The following BCKDHB variants were observed in gnomAD, a reference collection of about 807,000 sequenced individuals.
BCKDHB encodes 2-oxoisovalerate dehydrogenase subunit beta, mitochondrial.
In BCKDHB, 41 loss-of-function variants were observed where a neutral mutation model predicts 48.5. The observed-to-expected ratio is 0.85, with a 90% CI of 0.66 to 1.10. The LOEUF (loss-of-function observed/expected upper bound fraction) is 1.10. BCKDHB is among the 50% of genes least tolerant of loss of function. The pLI is 0.00. For synonymous variants in BCKDHB, 201 were observed against 174.8 expected, an observed-to-expected ratio of 1.15 and a Z score of -1.18; for missense variants, 496 against 494.2, an observed-to-expected ratio of 1.00 and a Z score of -0.03.
intron 9 of BCKDHB, among the ~76,000 whole-genome samples, chr6:80,310,392 C>T (rs549894554): frequency 9.2e-5 from 14 of 151,842 alleles, no homozygotes; most frequent in African/African-American, 2.2e-4. Flanking sequence ...TAAGGATAAT[C>T]GCTTCCAGCT....
Position 80,211,066 on chromosome 6 carries a change from G to A in BCKDHB, c.951+7854G>A, listed in dbSNP as rs114143516. On this transcript the variant is annotated intron_variant, in intron 8 of 9. Coordinates refer to ENST00000320393, the MANE Select transcript of BCKDHB (RefSeq NM_183050.4). Reference sequence around the variant, plus strand: ...ATTTTGGCAGGAGAATAAACAAAAGGCTTTGAAAGAAACTCAGATTCTCAA... The same window carrying A: ...ATTTTGGCAGGAGAATAAACAAAAGACTTTGAAAGAAACTCAGATTCTCAA... Among the ~76,000 whole-genome samples, 479 of 152,140 alleles carry A rather than the reference G, an allele frequency of 3.1e-3. 1 individual carries two copies. Among genetic ancestry groups the A allele is most frequent in the African/African-American group, 0.011 (456 of 41,500 alleles).
At chr6:80,425,079 G>T in the BCKDHB span, among the ~76,000 whole-genome samples, 1 of 152,164 alleles carries the variant, frequency 6.6e-6, no homozygotes, top group Non-Finnish European at 1.5e-5. Flanking sequence ...AAGTGGAACA[G>T]CTCACTGATA....
intron 8 of BCKDHB, 98 bp from the exon 9 acceptor site, chr6:80,273,037 G>A (rs1427222335): frequency 2.3e-6 from 2 of 882,712 alleles, no homozygotes; most frequent in Middle Eastern, 3.0e-4. Flanking sequence ...ACTATTTATT[G>A]AATGTATATA....
At chr6:80,408,465 G>A in the BCKDHB span, among the ~76,000 whole-genome samples, 5 of 151,940 alleles carry the variant, frequency 3.3e-5, no homozygotes, top group Admixed American at 6.6e-5. Context: ...GGTAGAATTC[G>A]GCTGTGAATC....
At chr6:80,353,064 C>G in the BCKDHB span, among the ~76,000 whole-genome samples, 1 of 152,176 alleles carries the variant, frequency 6.6e-6, no homozygotes, top group African/African-American at 2.4e-5. Flanking sequence ...TTCCAACTCC[C>G]TCTCCTCTCT....
intron 6 of BCKDHB, among the ~76,000 whole-genome samples, chr6:80,195,757 A>G (rs1470767043): frequency 6.6e-6 from 1 of 152,144 alleles, no homozygotes; most frequent in Non-Finnish European, 1.5e-5. Context: ...TACAGAGACA[A>G]AGCCAGAATT....
chr6:80,291,065 T>G (rs1766884784), intron 9 of BCKDHB, among the ~76,000 whole-genome samples: 1 of 152,214 alleles, frequency 6.6e-6, no homozygotes, highest in Non-Finnish European at 1.5e-5. Flanking sequence ...CTGTACCTTG[T>G]GCCAACCTCC....
At chr6:80,106,936 C>G (rs1029022820) in intron 1 of BCKDHB, 47 bp downstream of exon 1, 4 of 1,564,538 alleles carry the variant, frequency 2.6e-6, no homozygotes, top group Non-Finnish European at 3.5e-6. Flanking sequence ...CCCGGACTCC[C>G]AGGCTCGCAG....
chr6:80,451,500 G>A, the BCKDHB span, among the ~76,000 whole-genome samples: 1 of 152,076 alleles, frequency 6.6e-6, no homozygotes, highest in African/African-American at 2.4e-5. Flanking sequence ...TACTTTGGGA[G>A]GCCTAGGCGG....
intron 8 of BCKDHB, among the ~76,000 whole-genome samples, chr6:80,266,266 C>T (rs1373363555): frequency 6.6e-6 from 1 of 152,044 alleles, no homozygotes; most frequent in Non-Finnish European, 1.5e-5. Flanking sequence ...TTTTTAAAAA[C>T]TGATGGAAAA....
At chr6:80,236,614 G>A (rs1015169874) in intron 8 of BCKDHB, among the ~76,000 whole-genome samples, 21 of 152,164 alleles carry the variant, frequency 1.4e-4, no homozygotes, top group African/African-American at 5.1e-4. Context: ...AGCAGAGGTA[G>A]TTACATTGAA....
At chr6:80,265,027 T>C (rs1249933393) in intron 8 of BCKDHB, among the ~76,000 whole-genome samples, 1 of 152,016 alleles carries the variant, frequency 6.6e-6, no homozygotes, top group African/African-American at 2.4e-5. Flanking sequence ...TCGTTCCCAT[T>C]GGGATGGCTA....
In BCKDHB at chr6:80,127,640, G is replaced by A; in HGVS notation, c.274+16G>A. On this transcript the variant is annotated intron_variant, in intron 2 of 9. Transcript: ENST00000320393. Reference sequence around the variant, plus strand: ...CCTACTGCAGGTAACCCTGATATGTGCCTGAATTGTGGTAGCTGTGTTAAT... The same window carrying A: ...CCTACTGCAGGTAACCCTGATATGTACCTGAATTGTGGTAGCTGTGTTAAT... 6.3e-7 allele frequency: 1 copy of A among 1,599,730 alleles called. No individual in the cohort carries two copies. Among genetic ancestry groups the A allele is most frequent in the Admixed American group, 1.7e-5 (1 of 59,938 alleles).
At chr6:80,340,801 G>A (rs918374481) in intron 9 of BCKDHB, among the ~76,000 whole-genome samples, 4 of 152,118 alleles carry the variant, frequency 2.6e-5, no homozygotes, top group Non-Finnish European at 5.9e-5. Flanking sequence ...TTGTGTGTGT[G>A]TGTACATACG....
At position 80,345,696 on chromosome 6, in the gene BCKDHB, T is replaced by C. The variant is rs7740958; in HGVS notation, c.*1892T>C. The stretch of plus-strand genomic sequence containing the variant: ...CACTTAGAGCTGGTTAGAGGACTCC[T>C]TCACTTTTGTTGTCCATGTGGTTCC... On this transcript the variant is annotated 3_prime_UTR_variant, in exon 10 of 10. Coordinates refer to ENST00000320393, the MANE Select transcript of BCKDHB (RefSeq NM_183050.4). 0.78 allele frequency: 118,254 copies of C among 152,176 alleles called. 46,309 individuals carry two copies. The highest frequency in any genetic ancestry group is 0.84 in the Admixed American group (12,774 of 15,294). The allele number at this position is 152,176 out of a possible 1,614,324, so 9.4% of individuals were successfully genotyped here. A position where few individuals can be genotyped will look rare whatever the true frequency, so the allele number is the denominator to read the frequency against.
intron 7 of BCKDHB, among the ~76,000 whole-genome samples, 182 bp downstream of exon 7, chr6:80,201,213 A>C (rs765942181): frequency 1.3e-5 from 2 of 152,210 alleles, no homozygotes; most frequent in African/African-American, 4.8e-5. Context: ...AAATGAAATT[A>C]TATATCTTCA....
intron 8 of BCKDHB, among the ~76,000 whole-genome samples, chr6:80,232,761 A>G (rs1312137737): frequency 5.7e-5 from 2 of 35,170 alleles, no homozygotes; most frequent in Non-Finnish European, 1.4e-4. Flanking sequence ...TATATGTTAT[A>G]GATATAACAT....
At chr6:80,169,986 TTCTG>T (rs1412257293) in intron 5 of BCKDHB, 2 of 1,241,686 alleles carry the variant, frequency 1.6e-6, no homozygotes, top group Non-Finnish European at 1.0e-6. Context: ...AACAGATCTT[TTCTG>T]TCTGTCCCCT....
Position 80,200,963 on chromosome 6 carries a change from A to T in BCKDHB, c.772A>T (p.Ile258Phe), listed in dbSNP as rs201673603. 1.3e-4 allele frequency: 213 copies of T among 1,612,556 alleles called. No individual in the cohort carries two copies. In the Middle Eastern group the frequency reaches 4.5e-3, roughly 34 times the overall value. The change falls in exon 7 of 10, where the codon ATC (isoleucine) becomes TTC (phenylalanine). Residue 258 changes from isoleucine (I) to phenylalanine (F), a missense_variant. Coordinates refer to ENST00000320393, the MANE Select transcript of BCKDHB (RefSeq NM_183050.4). ...AGAAGTCCCTATAGAACCATACAAC[A>T]TCCCACTGTCCCAGGCCGAAGTCAT... ...AEEVPIEPYN[I>F]PLSQAEVIQE...
Sources: allele counts gnomAD v4.1 joint callset (sites outside exome capture counted in the v4.1 genomes callset), GRCh38; gene constraint gnomAD v4.1.1; transcripts MANE v1.5; gene names NCBI Gene and HGNC (gene_info 2026-07-23, HGNC 2026-07-21).